GPR39: variants seen among roughly 807,000 people sequenced by gnomAD.
GPR39 encodes G protein-coupled receptor 39, also known as zinc sensing receptor.
GPR39 carries 23 observed loss-of-function variants against 18.4 expected under a neutral mutation model. That is an observed-to-expected ratio of 1.25 (90% CI 0.90 to 1.77). The LOEUF (loss-of-function observed/expected upper bound fraction) is 1.77, where lower values mean the gene tolerates loss of function less well. Ranked by LOEUF, GPR39 falls within the 40% of genes most tolerant of loss-of-function variation. GPR39 has a pLI of 0.00. For synonymous variants in GPR39, 280 were observed against 257.9 expected (o/e 1.09, Z -0.82); for missense variants, 647 against 602.4 (o/e 1.07, Z -0.78).
At chr2:132,562,902 A>G (rs939215390) in intron 1 of GPR39, among the ~76,000 whole-genome samples, 1 of 152,196 alleles carries the variant, frequency 6.6e-6, no homozygotes, top group African/African-American at 2.4e-5. Context: ...AAAGTACCAT[A>G]TATGCTGTTA....
intron 1 of GPR39, among the ~76,000 whole-genome samples, chr2:132,603,815 C>G (rs1230028159): frequency 6.6e-6 from 1 of 152,120 alleles, no homozygotes; most frequent in Non-Finnish European, 1.5e-5. Flanking sequence ...ATGCCTCCAG[C>G]CTTTGAAGGA....
At chr2:132,419,261 G>C (rs1265866677) in intron 1 of GPR39, among the ~76,000 whole-genome samples, 5 of 152,194 alleles carry the variant, frequency 3.3e-5, no homozygotes, top group Non-Finnish European at 7.3e-5. Flanking sequence ...ATGCTACTCT[G>C]CATTAGGGGC....
intron 1 of GPR39, among the ~76,000 whole-genome samples, chr2:132,597,325 A>C (rs145591847): frequency 2.8e-4 from 43 of 152,320 alleles, no homozygotes; most frequent in Admixed American, 4.6e-4. Flanking sequence ...GCTAGCTTCT[A>C]AACTTCTGCA....
intron 1 of GPR39, among the ~76,000 whole-genome samples, chr2:132,542,031 C>T (rs1679869885): frequency 6.6e-6 from 1 of 152,124 alleles, no homozygotes; most frequent in South Asian, 2.1e-4. Flanking sequence ...TCTATAAGGG[C>T]ACTAATCCCA....
intron 1 of GPR39, among the ~76,000 whole-genome samples, chr2:132,421,806 A>C (rs1680014636): frequency 6.6e-6 from 1 of 151,612 alleles, no homozygotes; most frequent in South Asian, 2.1e-4. Flanking sequence ...GGTCAAACCA[A>C]GCAGGGCCAG....
At chr2:132,640,994 CT>C (rs1197231219) in intron 1 of GPR39, among the ~76,000 whole-genome samples, 1 of 152,160 alleles carries the variant, frequency 6.6e-6, no homozygotes, top group African/African-American at 2.4e-5. Flanking sequence ...TTGTCATTGG[CT>C]GTACCTGTAT....
intron 1 of GPR39, among the ~76,000 whole-genome samples, chr2:132,626,897 T>C (rs548148720): frequency 3.9e-5 from 6 of 152,370 alleles, no homozygotes; most frequent in Non-Finnish European, 8.8e-5. Flanking sequence ...AGGTAGATCC[T>C]ATTTTAGGAT....
rs776753625 is a variant in GPR39, at chr2:132,645,377, C to T, written c.1133C>T (p.Ala378Val). 1.2e-5 allele frequency: 20 copies of T among 1,613,638 alleles called. No individual in the cohort carries two copies. The highest frequency in any genetic ancestry group is 2.7e-5 in the African/African-American group (2 of 74,928). The change falls in exon 2 of 2, where the codon GCG becomes GTG. Residue 378 changes from alanine (A) to valine (V), a missense_variant. Coordinates refer to ENST00000329321, the MANE Select transcript of GPR39 (RefSeq NM_001508.3). Reference protein sequence around the residue: ...ANHEKRLRVHAHSTTDSARFV... With the variant: ...ANHEKRLRVHVHSTTDSARFV... ...CACGAGAAGCGCCTGCGCGTACATG[C>T]GCACTCCACCACCGACAGCGCCCGC...
At chr2:132,418,730 GAC>G (rs1261149451) in intron 1 of GPR39, among the ~76,000 whole-genome samples, 1 of 152,202 alleles carries the variant, frequency 6.6e-6, no homozygotes, top group African/African-American at 2.4e-5. Context: ...TCAGAAGAGG[GAC>G]CTAGTGGCTG....
At chr2:132,575,700 A>G (rs558402439) in intron 1 of GPR39, among the ~76,000 whole-genome samples, 1 of 152,332 alleles carries the variant, frequency 6.6e-6, no homozygotes, top group East Asian at 1.9e-4. Context: ...CCTAAGGGCT[A>G]ATGATATTGA....
chr2:132,470,914 G>T (rs536064828), intron 1 of GPR39, among the ~76,000 whole-genome samples: 1 of 152,306 alleles, frequency 6.6e-6, no homozygotes, highest in African/African-American at 2.4e-5. Context: ...TGGGCAATTT[G>T]TGTGGTCCTG....
rs575470616 is a variant in GPR39, at chr2:132,564,069, A to G, written c.857-81032A>G. The stretch of plus-strand genomic sequence containing the variant: ...CAGCCCATTTCACCTTGAAAAGAAA[A>G]TCCATTGTCATAAGCAGATGAGCAA... On this transcript the variant is annotated intron_variant, in intron 1 of 1. Transcript: ENST00000329321. 2.0e-5 allele frequency among the ~76,000 whole-genome samples: 3 copies of G among 152,358 alleles called. No homozygotes were observed. The East Asian group carries it at 5.8e-4, about 29-fold the overall frequency.
chr2:132,618,170 C>T (rs1249348591), intron 1 of GPR39, among the ~76,000 whole-genome samples: 2 of 152,188 alleles, frequency 1.3e-5, no homozygotes, highest in Non-Finnish European at 2.9e-5. Context: ...AAAAAGAAGA[C>T]ATTCCCTAAG....
chr2:132,616,192 T>C (rs895932985), intron 1 of GPR39, among the ~76,000 whole-genome samples: 1 of 152,160 alleles, frequency 6.6e-6, no homozygotes, highest in Non-Finnish European at 1.5e-5. Flanking sequence ...TTATTTATTG[T>C]CATCTGACAA....
intron 1 of GPR39, among the ~76,000 whole-genome samples, chr2:132,440,772 A>G (rs1176909580): frequency 6.6e-6 from 1 of 152,154 alleles, no homozygotes; most frequent in Non-Finnish European, 1.5e-5. Flanking sequence ...TAATAATGGC[A>G]AAATTGTCAT....
chr2:132,455,224 C>T (rs560052238), intron 1 of GPR39, among the ~76,000 whole-genome samples: 5 of 152,216 alleles, frequency 3.3e-5, no homozygotes, highest in Admixed American at 3.3e-4. Context: ...GTGTATGTGT[C>T]CAGGAATTTA....
chr2:132,575,556 G>A (rs1042292205), intron 1 of GPR39, among the ~76,000 whole-genome samples: 4 of 152,114 alleles, frequency 2.6e-5, no homozygotes, highest in South Asian at 4.1e-4. Flanking sequence ...GTACCATATC[G>A]CATTCCCACT....
chr2:132,515,852 A>G (rs192398379), intron 1 of GPR39, among the ~76,000 whole-genome samples: 1 of 152,310 alleles, frequency 6.6e-6, no homozygotes, highest in East Asian at 1.9e-4. Context: ...ATTATTATTA[A>G]GTCATAACCT....
chr2:132,605,271 G>A (rs1025525754), intron 1 of GPR39, among the ~76,000 whole-genome samples: 6 of 151,858 alleles, frequency 4.0e-5, no homozygotes, highest in African/African-American at 1.5e-4. Context: ...GCATCAGAAA[G>A]AGGTAAATGA....
Sources: gnomAD v4.1 joint callset for allele counts (sites outside exome capture counted in the v4.1 genomes callset) on GRCh38, gnomAD v4.1.1 for gene constraint, MANE v1.5 for transcripts, NCBI Gene and HGNC (gene_info 2026-07-23, HGNC 2026-07-21) for gene names.